The following CNKSR2 variants were observed in gnomAD, a reference collection of about 807,000 sequenced individuals.
CNKSR2 encodes CNK homolog protein 2.
CNKSR2 carries 14 observed loss-of-function variants against 84.4 expected under a neutral mutation model. That is an observed-to-expected ratio of 0.17 (90% CI 0.11 to 0.26). The LOEUF (loss-of-function observed/expected upper bound fraction) is 0.26, where lower values mean the gene tolerates loss of function less well. CNKSR2 is among the 10% of genes least tolerant of loss of function. CNKSR2 has a pLI of 1.00. For missense variants in CNKSR2, 485 were observed against 771.2 expected, an observed-to-expected ratio of 0.63 and a Z score of 4.40; for synonymous variants, 275 against 277.9, an observed-to-expected ratio of 0.99 and a Z score of 0.10.
chrX:21,526,258 A>G (rs751502151), intron 9 of CNKSR2, among the ~76,000 whole-genome samples: 21 of 111,582 alleles, frequency 1.9e-4, no homozygotes, highest in African/African-American at 6.2e-4. Flanking sequence ...ATGATGTACC[A>G]TAAAATGGCT....
intron 3 of CNKSR2, among the ~76,000 whole-genome samples, chrX:21,433,911 A>G (rs1040144841): frequency 8.1e-5 from 9 of 110,997 alleles, no homozygotes; most frequent in Non-Finnish European, 1.5e-4. Flanking sequence ...AATGGACTAC[A>G]TGTTTATTTT....
At chrX:21,563,838 A>T (rs929633324) in intron 13 of CNKSR2, among the ~76,000 whole-genome samples, 2 of 111,356 alleles carry the variant, frequency 1.8e-5, no homozygotes, top group African/African-American at 6.5e-5. Context: ...TTTTCTAGAC[A>T]TGGAGAGTAG....
intron 20 of CNKSR2, among the ~76,000 whole-genome samples, chrX:21,619,912 T>C (rs1332628461): frequency 1.8e-5 from 2 of 111,249 alleles, no homozygotes; most frequent in South Asian, 3.8e-4. Flanking sequence ...GGAATCAGTG[T>C]GGCTTTAATA....
intron 17 of CNKSR2, among the ~76,000 whole-genome samples, chrX:21,600,291 T>C (rs1183791399): frequency 8.9e-6 from 1 of 112,150 alleles, no homozygotes; most frequent in Non-Finnish European, 1.9e-5. Context: ...AAGATAAATG[T>C]CTTAGGAGAA....
At chrX:21,646,474 A>C (rs1419647133) in intron 20 of CNKSR2, among the ~76,000 whole-genome samples, 1 of 112,020 alleles carries the variant, frequency 8.9e-6, no homozygotes, top group Non-Finnish European at 1.9e-5. Flanking sequence ...AAAATCAGTT[A>C]TCTGCCCCAG....
At chrX:21,512,651 T>G (rs2091685337) in intron 8 of CNKSR2, among the ~76,000 whole-genome samples, 1 of 111,336 alleles carries the variant, frequency 9.0e-6, no homozygotes, top group Non-Finnish European at 1.9e-5. Context: ...AGAAGAGGCA[T>G]TAGTTGCTAG....
In CNKSR2 at chrX:21,648,918, A is replaced by G. The variant is rs377759647; in HGVS notation, c.2780A>G (p.His927Arg). ...EQASLSPLGE[H>R]RISTKMEYKL... is the part of the protein sequence containing the mutation. ...GCCAGTCTGTCACCACTAGGAGAAC[A>G]TCGTATTTCAACCAAGATGGAATAC... Residue 927 changes from histidine to arginine, a missense_variant, in exon 21 of 22, where the codon CAT (histidine) becomes CGT (arginine). His to Arg is a conservative substitution (Grantham distance 29). This residue lies in a region of CNKSR2 where 210 missense variants were observed against 291.5 expected (regional missense o/e 0.72). Coordinates refer to ENST00000379510, the MANE Select transcript of CNKSR2 (RefSeq NM_014927.5). 5.9e-6 allele frequency: 7 copies of G among 1,196,349 alleles called. No individual in the cohort carries two copies. The African/African-American group carries it at 1.1e-4, about 18-fold the overall frequency.
Position 21,654,272 on chromosome X carries a change from T to TAAAAAAAAAAAA in CNKSR2, c.*1762_*1773dup, listed in dbSNP as rs34844138. The TAAAAAAAAAAAA allele has an allele frequency of 6.5e-5, 4 of 61,071 alleles. No homozygotes were observed. Among genetic ancestry groups the TAAAAAAAAAAAA allele is most frequent in the African/African-American group, 2.5e-4 (4 of 15,845 alleles). 5.0% of individuals were successfully genotyped at this position (61,071 alleles called of 1,213,427 possible). A position where few individuals can be genotyped will look rare whatever the true frequency, so the allele number is the denominator to read the frequency against. ...TTAAATTTGTGGGATTTTGTATATG[T>TAAAAAAAAAAAA]AAAAAAAAAAAAAAAAAAAAAACAA... On this transcript the variant is annotated 3_prime_UTR_variant, in exon 22 of 22. Transcript: ENST00000379510.
At chrX:21,555,312 G>T (rs2092129677) in intron 11 of CNKSR2, among the ~76,000 whole-genome samples, 1 of 111,128 alleles carries the variant, frequency 9.0e-6, no homozygotes, top group Admixed American at 9.6e-5. Context: ...AGTCATTAAA[G>T]GTAATCCTTA....
At position 21,452,939 on chromosome X, in the gene CNKSR2, G is replaced by A. The variant is rs1045405277; in HGVS notation, c.519+12158G>A. On this transcript the variant is annotated intron_variant, in intron 4 of 21. Coordinates refer to ENST00000379510, the MANE Select transcript of CNKSR2 (RefSeq NM_014927.5). ...CACTAGTCAGCAGGAGACAACCAGT[G>A]TTACCAAAGTCAGTTTGTGCAATAT... 2.7e-5 allele frequency among the ~76,000 whole-genome samples: 3 copies of A among 109,315 alleles called. No homozygotes were observed. The Admixed American group carries it at 3.0e-4, about 11-fold the overall frequency. 94.9% of individuals were successfully genotyped at this position (109,315 alleles called of 115,157 possible). A position where few individuals can be genotyped will look rare whatever the true frequency, so the allele number is the denominator to read the frequency against.
chrX:21,522,904 A>G (rs957983812), intron 9 of CNKSR2, among the ~76,000 whole-genome samples: 1 of 111,166 alleles, frequency 9.0e-6, no homozygotes. Context: ...TATACATTCA[A>G]ACTGACAGTA....
chrX:21,654,178 A>G lies in CNKSR2; in HGVS notation c.*1657A>G, dbSNP rs944269098. 3.8e-5 allele frequency: 4 copies of G among 105,835 alleles called. No homozygotes were observed. Among genetic ancestry groups the G allele is most frequent in the African/African-American group, 1.4e-4 (4 of 28,874 alleles). 8.7% of individuals were successfully genotyped at this position (105,835 alleles called of 1,213,427 possible). A position where few individuals can be genotyped will look rare whatever the true frequency, so the allele number is the denominator to read the frequency against. On this transcript the variant is annotated 3_prime_UTR_variant, in exon 22 of 22. Transcript: ENST00000379510. ...TGTATGGAATTTTGGGTCCAGTGTAATATTTTTATCATTTAAAAAGAACTC... is the reference window on the plus strand; with the variant it reads ...TGTATGGAATTTTGGGTCCAGTGTAGTATTTTTATCATTTAAAAAGAACTC...
At position 21,638,488 on chromosome X, in the gene CNKSR2, A is replaced by G. The variant is rs572267193; in HGVS notation, c.2693-10343A>G. The stretch of plus-strand genomic sequence containing the variant: ...GAATCTCACTGGAATAAGTCATTCT[A>G]CACATGATTCAACATGGCATTCCAT... On this transcript the variant is annotated intron_variant, in intron 20 of 21. Coordinates refer to ENST00000379510, the MANE Select transcript of CNKSR2 (RefSeq NM_014927.5). Among the ~76,000 whole-genome samples, 5 of 112,241 alleles carry G rather than the reference A, an allele frequency of 4.5e-5. No individual in the cohort carries two copies. The South Asian group carries it at 1.8e-3, about 41-fold the overall frequency.
chrX:21,420,258 G>A (rs181002244), intron 1 of CNKSR2, among the ~76,000 whole-genome samples: 101 of 112,365 alleles, frequency 9.0e-4, no homozygotes, highest in Non-Finnish European at 1.5e-3. Flanking sequence ...AGCTTGTAGC[G>A]AATGCTGCCT....
At chrX:21,428,523 AAG>A (rs1227998260) in intron 2 of CNKSR2, 1 of 111,840 alleles carries the variant, frequency 8.9e-6, no homozygotes, top group Non-Finnish European at 1.9e-5. Flanking sequence ...AGAAAGAAGT[AAG>A]CTGTTCATGA....
intron 13 of CNKSR2, among the ~76,000 whole-genome samples, chrX:21,585,484 G>C (rs2092380953): frequency 9.2e-6 from 1 of 108,714 alleles, no homozygotes; most frequent in Non-Finnish European, 1.9e-5. Flanking sequence ...AAAACTTGCT[G>C]ATGGATTGGC....
intron 13 of CNKSR2, among the ~76,000 whole-genome samples, chrX:21,575,649 G>A (rs1383743093): frequency 1.8e-5 from 2 of 111,709 alleles, no homozygotes; most frequent in African/African-American, 6.5e-5. Flanking sequence ...AGTGCTGTGA[G>A]TTCCCAGGCT....
At chrX:21,464,766 T>C (rs1297751512) in intron 4 of CNKSR2, among the ~76,000 whole-genome samples, 3 of 112,178 alleles carry the variant, frequency 2.7e-5, no homozygotes, top group South Asian at 7.5e-4. Flanking sequence ...ACTTCAACTC[T>C]TCCCCAAGGA....
At chrX:21,440,594 A>G (rs2090770562) in intron 3 of CNKSR2, 100 bp from the exon 4 acceptor site, 2 of 341,449 alleles carry the variant, frequency 5.9e-6, no homozygotes, top group Non-Finnish European at 1.0e-5. Context: ...TTTCAGAACA[A>G]TTTATTTCAT....
Sources: gnomAD v4.1 joint callset for allele counts (sites outside exome capture counted in the v4.1 genomes callset) on GRCh38, gnomAD v4.1.1 for gene constraint, gnomAD v4.1.1 regional missense constraint, MANE v1.5 for transcripts, NCBI Gene and HGNC (gene_info 2026-07-23, HGNC 2026-07-21) for gene names.